EIF3B: variants seen among roughly 807,000 people sequenced by gnomAD.
EIF3B encodes the protein eukaryotic translation initiation factor 3 subunit B.
Under a neutral mutation model 104.6 loss-of-function variants are expected in EIF3B, and 10 were observed. The observed-to-expected ratio is 0.10, with a 90% confidence interval of 0.06 to 0.16. The LOEUF (loss-of-function observed/expected upper bound fraction) is 0.16. Ranked by LOEUF, EIF3B falls within the 10% of genes least tolerant of loss-of-function variation. The pLI is 1.00. For missense variants in EIF3B, 1,014 were observed against 1,087.9 expected, an observed-to-expected ratio of 0.93 and a Z score of 0.96; for synonymous variants, 542 against 417.2, an observed-to-expected ratio of 1.30 and a Z score of -3.65.
At chr7:2,365,665 T>TTC (rs1779972138) in intron 6 of EIF3B, among the ~76,000 whole-genome samples, 2 of 63,196 alleles carry the variant, frequency 3.2e-5, no homozygotes, top group South Asian at 6.6e-4. Context: ...GTTTGTTTGT[T>TTC]TGTTTGTTTG....
At chr7:2,370,473 G>C (rs369797049) in intron 10 of EIF3B, among the ~76,000 whole-genome samples, 2 of 151,878 alleles carry the variant, frequency 1.3e-5, no homozygotes, top group Non-Finnish European at 2.9e-5. Context: ...GAGCCAGACT[G>C]CGTCTCACAA....
At chr7:2,370,800 G>T (rs369770569) in intron 10 of EIF3B, among the ~76,000 whole-genome samples, 13 of 152,302 alleles carry the variant, frequency 8.5e-5, no homozygotes, top group African/African-American at 3.1e-4. Flanking sequence ...AAAAGGCCGG[G>T]CACGGTGGCT....
In EIF3B at chr7:2,380,017, A is replaced by C. The variant is rs1780911504; in HGVS notation, c.*15-187A>C. 3 of 262,068 alleles carry C rather than the reference A, an allele frequency of 1.1e-5. 1 individual carries two copies. 16.2% of individuals were successfully genotyped at this position (262,068 alleles called of 1,614,324 possible). ...GACAGAAGGCCTAATGGGGTGCCTG[A>C]GGGTGGCCTGGTTGCTGTCCCCCCA... On this transcript the variant is annotated intron_variant, in intron 18 of 18. Transcript: ENST00000360876.
At chr7:2,361,429 C>CT (rs1490451754) in intron 2 of EIF3B, among the ~76,000 whole-genome samples, 3 of 151,736 alleles carry the variant, frequency 2.0e-5, no homozygotes, top group South Asian at 2.1e-4. Flanking sequence ...TTCTTTCTTT[C>CT]TTTTTTTTGA....
In EIF3B at chr7:2,380,450, G is replaced by A. The variant is rs754266140; in HGVS notation, c.*261G>A. 2.5e-5 allele frequency: 13 copies of A among 511,474 alleles called. No individual in the cohort carries two copies. Among genetic ancestry groups the A allele is most frequent in the South Asian group, 7.1e-5 (5 of 70,618 alleles). 31.7% of individuals were successfully genotyped at this position (511,474 alleles called of 1,614,324 possible). A position where few individuals can be genotyped will look rare whatever the true frequency, so the allele number is the denominator to read the frequency against. On this transcript the variant is annotated 3_prime_UTR_variant, in exon 19 of 19. Coordinates refer to ENST00000360876, the MANE Select transcript of EIF3B (RefSeq NM_001037283.2). ...CTGCAGTGGGGGATTTAAGGCACCC[G>A]CTTCCACTTCTTTCTTGTTTGGAGT...
At chr7:2,359,645 G>A (rs542310375) in intron 1 of EIF3B, among the ~76,000 whole-genome samples, 13 of 152,364 alleles carry the variant, frequency 8.5e-5, no homozygotes, top group Admixed American at 2.6e-4. Flanking sequence ...AGAAGCGAGG[G>A]ATAGTGGGAG....
chr7:2,379,777 AG>A lies in EIF3B; in HGVS notation c.*14+268del, dbSNP rs1339808548. 6 of 456,716 alleles carry A rather than the reference AG, an allele frequency of 1.3e-5. No homozygotes were observed. In the East Asian group the frequency reaches 2.6e-4, roughly 20 times the overall value. The allele number at this position is 456,716 out of a possible 1,614,324, so 28.3% of individuals were successfully genotyped here. A position where few individuals can be genotyped will look rare whatever the true frequency, so the allele number is the denominator to read the frequency against. On this transcript the variant is annotated intron_variant, in intron 18 of 18. Transcript: ENST00000360876. ...CTGTGGCCAGGTGTTGGGAAGTGCC[AG>A]GAAGAGGAGGGTGGCCATGCCTGGC...
intron 4 of EIF3B, 96 bp downstream of exon 4, chr7:2,363,223 T>G (rs2115295948): frequency 1.6e-6 from 2 of 1,270,538 alleles, no homozygotes; most frequent in Non-Finnish European, 2.3e-6. Flanking sequence ...GAGGCTGAGG[T>G]GGGAGGATCG....
chr7:2,366,759 C>T (rs1562483145), intron 8 of EIF3B, 168 bp downstream of exon 8: 3 of 847,752 alleles, frequency 3.5e-6, no homozygotes, highest in South Asian at 3.4e-5. Context: ...CAGAGCTCTT[C>T]AGTCACTCCT....
At chr7:2,359,375 T>C (rs1208828266) in intron 1 of EIF3B, among the ~76,000 whole-genome samples, 1 of 152,054 alleles carries the variant, frequency 6.6e-6, no homozygotes, top group African/African-American at 2.4e-5. Context: ...GTTGAGTTGA[T>C]CACCGGTGCT....
Position 2,360,918 on chromosome 7 carries a change from T to C in EIF3B, c.692+16T>C. On this transcript the variant is annotated intron_variant, in intron 2 of 18. Coordinates refer to ENST00000360876, the MANE Select transcript of EIF3B (RefSeq NM_001037283.2). ...AGACAAAAGGGTGAGTGTTCTCCTG[T>C]TGGAGAAGTATCATCTGTGTCTGGC... is the stretch of plus-strand genomic sequence containing the variant. 6.3e-7 allele frequency: 1 copy of C among 1,582,434 alleles called. No homozygotes were observed. The highest frequency in any genetic ancestry group is 8.7e-7 in the Non-Finnish European group (1 of 1,153,008).
chr7:2,373,740 G>A (rs544924153), intron 12 of EIF3B: 1 of 151,166 alleles, frequency 6.6e-6, no homozygotes. Context: ...GAGGCACCTT[G>A]TACCTTCCAA....
intron 15 of EIF3B, among the ~76,000 whole-genome samples, chr7:2,377,659 A>T (rs12672279): frequency 0.3 from 4,841 of 16,102 alleles, 793 homozygotes; most frequent in Middle Eastern, 0.47. Flanking sequence ...CTGGGTGTCA[A>T]GGAGGAAGGA....
intron 15 of EIF3B, chr7:2,378,004 TG>T (rs1780754472): frequency 2.4e-5 from 1 of 42,192 alleles, no homozygotes. Context: ...CGAGCTCTCC[TG>T]GGATGCTGTG....
intron 1 of EIF3B, among the ~76,000 whole-genome samples, chr7:2,358,939 G>T (rs762771700): frequency 6.6e-6 from 1 of 152,148 alleles, no homozygotes; most frequent in African/African-American, 2.4e-5. Context: ...TTTAATCTCA[G>T]TGGGGGTGGC....
intron 2 of EIF3B, among the ~76,000 whole-genome samples, chr7:2,362,413 T>G (rs1779780862): frequency 6.6e-6 from 1 of 152,220 alleles, no homozygotes. Context: ...TTTTCTATAA[T>G]TATGATAATG....
intron 1 of EIF3B, among the ~76,000 whole-genome samples, chr7:2,356,519 T>C (rs1779450640): frequency 6.8e-6 from 1 of 147,988 alleles, no homozygotes; most frequent in Admixed American, 6.9e-5. Context: ...AGGAGAATGG[T>C]GTGAACCTGG....
chr7:2,366,852 G>A, intron 8 of EIF3B, 147 bp from the exon 9 acceptor site: 1 of 897,580 alleles, frequency 1.1e-6, no homozygotes, highest in Non-Finnish European at 1.8e-6. Flanking sequence ...TGGCGGGTGG[G>A]TGGATGGGTT....
rs180735621 is a variant in EIF3B at position 2,363,031 on chromosome 7, G to A, written c.813-39G>A. The A allele has an allele frequency of 8.0e-5, 129 of 1,611,152 alleles. No homozygotes were observed. The African/African-American group carries it at 1.0e-3, about 13-fold the overall frequency. On this transcript the variant is annotated intron_variant, in intron 3 of 18. Transcript: ENST00000360876. ...CCCCCACGAGTTGCTCTTTCTAGTC[G>A]TCAGGGCGTGGGGCTCAGCAGTCTC... is the stretch of plus-strand genomic sequence containing the variant.
Sources: gnomAD v4.1 joint callset for allele counts (sites outside exome capture counted in the v4.1 genomes callset) on GRCh38, gnomAD v4.1.1 for gene constraint, MANE v1.5 for transcripts, NCBI Gene and HGNC (gene_info 2026-07-23, HGNC 2026-07-21) for gene names.